The following CKAP5 variants were observed in gnomAD, a reference collection of about 807,000 sequenced individuals.
CKAP5 encodes the protein cytoskeleton-associated protein 5.
In CKAP5, 27 loss-of-function variants were observed where a neutral mutation model predicts 232.8. The observed-to-expected ratio is 0.12, with a 90% CI of 0.09 to 0.16. The LOEUF is 0.16. Among genes scored for constraint, CKAP5 ranks in the 10% least tolerant of loss-of-function variants. CKAP5 has a pLI of 1.00. For synonymous variants in CKAP5, 785 were observed against 841.1 expected (o/e 0.93, Z 1.16); for missense variants, 1,838 against 2,424.7 (o/e 0.76, Z 5.08).
chr11:46,758,459 AAGTTCCATG>A (rs2065127388), intron 35 of CKAP5, among the ~76,000 whole-genome samples: 1 of 152,190 alleles, frequency 6.6e-6, no homozygotes, highest in Non-Finnish European at 1.5e-5. Flanking sequence ...AAATCTAAAT[AAGTTCCATG>A]AGAGTTGGTC....
intron 9 of CKAP5, among the ~76,000 whole-genome samples, chr11:46,800,535 CG>C (rs1178549192): frequency 6.6e-6 from 1 of 152,020 alleles, no homozygotes; most frequent in East Asian, 1.9e-4. Flanking sequence ...TAATGCAGAC[CG>C]GATTTAGAGG....
At chr11:46,811,787 A>G (rs1012900068) in intron 4 of CKAP5, among the ~76,000 whole-genome samples, 6 of 152,220 alleles carry the variant, frequency 3.9e-5, no homozygotes, top group Non-Finnish European at 1.5e-5. Context: ...AATACCACAA[A>G]TATGTATGTA....
At chr11:46,826,016 A>C (rs1939643163) in intron 1 of CKAP5, among the ~76,000 whole-genome samples, 1 of 152,222 alleles carries the variant, frequency 6.6e-6, no homozygotes, top group South Asian at 2.1e-4. Flanking sequence ...TAACAAGGAC[A>C]AGTGTTATCC....
chr11:46,744,708 TC>T lies in CKAP5; in HGVS notation c.5705-132del, dbSNP rs550351227. The T allele has an allele frequency of 4.9e-5, 40 of 823,224 alleles. No homozygotes were observed. In the African/African-American group the frequency reaches 5.5e-4, roughly 11 times the overall value. The allele number at this position is 823,224 out of a possible 1,614,324, so 51.0% of individuals were successfully genotyped here. A position where few individuals can be genotyped will look rare whatever the true frequency, so the allele number is the denominator to read the frequency against. ...TTGAAAACGACAAATTCCACAAGAA[TC>T]TACCTGGAGTTGGTGATAAGGGTGC... is the stretch of plus-strand genomic sequence containing the variant. On this transcript the variant is annotated intron_variant, in intron 42 of 43. Transcript: ENST00000529230.
At chr11:46,768,064 G>A (rs1241079769) in intron 26 of CKAP5, among the ~76,000 whole-genome samples, 1 of 151,930 alleles carries the variant, frequency 6.6e-6, no homozygotes, top group African/African-American at 2.4e-5. Flanking sequence ...CCAAAGTGCT[G>A]GGATTACAGG....
intron 22 of CKAP5, 102 bp from the exon 23 acceptor site, chr11:46,777,654 G>C (rs1174335981): frequency 4.1e-6 from 3 of 726,292 alleles, no homozygotes; most frequent in Non-Finnish European, 7.1e-6. Context: ...GGAGATTTTT[G>C]GCCTACTCAA....
chr11:46,766,177 T>C (rs986851411), intron 27 of CKAP5, among the ~76,000 whole-genome samples: 4 of 152,226 alleles, frequency 2.6e-5, no homozygotes, highest in African/African-American at 7.2e-5. Context: ...ATGGCCACTA[T>C]TTCTAGTTGG....
At chr11:46,781,332 C>T (rs1054666478) in intron 18 of CKAP5, among the ~76,000 whole-genome samples, 30 of 152,308 alleles carry the variant, frequency 2.0e-4, no homozygotes, top group Non-Finnish European at 3.7e-4. Flanking sequence ...CAGAATTTCT[C>T]GACAGGATTA....
chr11:46,816,573 A>G (rs748325787), intron 3 of CKAP5, among the ~76,000 whole-genome samples, 169 bp from the exon 4 acceptor site: 88 of 152,216 alleles, frequency 5.8e-4, no homozygotes, highest in Non-Finnish European at 1.1e-3. Flanking sequence ...CGTTAAACAT[A>G]AAATTTTAAG....
chr11:46,781,889 G>C (rs1263349714), intron 18 of CKAP5, among the ~76,000 whole-genome samples: 2 of 152,142 alleles, frequency 1.3e-5, no homozygotes, highest in Non-Finnish European at 2.9e-5. Context: ...GCAATGGCAT[G>C]ATCTTGGCTC....
At chr11:46,762,441 G>C (rs1257643069) in intron 31 of CKAP5, 186 bp downstream of exon 31, 1 of 874,956 alleles carries the variant, frequency 1.1e-6, no homozygotes, top group Non-Finnish European at 1.9e-6. Flanking sequence ...GTGATACTGA[G>C]TGGTGCCTGT....
chr11:46,744,731 G>T (rs558489768), intron 42 of CKAP5, among the ~76,000 whole-genome samples, 154 bp from the exon 43 acceptor site: 8 of 152,230 alleles, frequency 5.3e-5, no homozygotes, highest in East Asian at 1.9e-4. Flanking sequence ...GGTGATAAGG[G>T]TGCTCTGAAA....
intron 24 of CKAP5, among the ~76,000 whole-genome samples, chr11:46,775,675 A>G (rs1042915689): frequency 1.7e-4 from 25 of 146,290 alleles, no homozygotes; most frequent in African/African-American, 6.2e-4. Flanking sequence ...CTTTGCAGGG[A>G]CATTGATGAA....
At chr11:46,744,617 A>T (rs777357902) in intron 42 of CKAP5, 40 bp from the exon 43 acceptor site, 1 of 1,580,646 alleles carries the variant, frequency 6.3e-7, no homozygotes, top group South Asian at 1.1e-5. Context: ...AGATATCCAC[A>T]TATCCCCCTT....
chr11:46,838,793 CAAAAAAAAAAAA>C (rs71042626), intron 1 of CKAP5, among the ~76,000 whole-genome samples: 4 of 45,928 alleles, frequency 8.7e-5, no homozygotes, highest in African/African-American at 3.8e-4. Flanking sequence ...GACCCCATCT[CAAAAAAAAAAAA>C]AAAAAAAAAA....
chr11:46,791,860 A>C (rs1938734875), intron 13 of CKAP5, among the ~76,000 whole-genome samples: 1 of 152,210 alleles, frequency 6.6e-6, no homozygotes, highest in Non-Finnish European at 1.5e-5. Context: ...TTTGTTATGA[A>C]ATGCCCCAAA....
intron 42 of CKAP5, among the ~76,000 whole-genome samples, chr11:46,749,944 A>AG (rs1217247125): frequency 1.5e-4 from 23 of 151,630 alleles, no homozygotes; most frequent in Admixed American, 1.5e-3. Context: ...AAAAAAAAAA[A>AG]GAGGTCAGAG....
At chr11:46,829,665 G>C (rs1375737664) in intron 1 of CKAP5, among the ~76,000 whole-genome samples, 5 of 152,158 alleles carry the variant, frequency 3.3e-5, no homozygotes, top group Non-Finnish European at 5.9e-5. Context: ...GTCAACAGTA[G>C]GCTATTAGTA....
intron 1 of CKAP5, among the ~76,000 whole-genome samples, chr11:46,841,344 T>C (rs1034305343): frequency 6.6e-6 from 1 of 151,790 alleles, no homozygotes; most frequent in Non-Finnish European, 1.5e-5. Context: ...AAGAACTACT[T>C]GCTTGGTGTG....
Sources: gnomAD v4.1 joint callset for allele counts (sites outside exome capture counted in the v4.1 genomes callset) on GRCh38, gnomAD v4.1.1 for gene constraint, MANE v1.5 for transcripts, NCBI Gene and HGNC (gene_info 2026-07-23, HGNC 2026-07-21) for gene names.